RCOR1: variants seen among roughly 807,000 people sequenced by gnomAD.
The protein encoded by RCOR1 is REST corepressor.
Under a neutral mutation model 64.0 loss-of-function variants are expected in RCOR1, and 12 were observed. The observed-to-expected ratio is 0.19, with a 90% CI of 0.12 to 0.30. RCOR1 has a LOEUF of 0.30. RCOR1 is among the 10% of genes least tolerant of loss of function. The probability of loss-of-function intolerance (pLI) is 1.00; values close to 1 mark genes in which losing one functional copy is unlikely to be tolerated. For synonymous variants in RCOR1, 279 were observed against 227.2 expected, an observed-to-expected ratio of 1.23 and a Z score of -2.05; for missense variants, 502 against 621.2, an observed-to-expected ratio of 0.81 and a Z score of 2.04.
chr14:102,630,353 G>C (rs140508719), intron 2 of RCOR1, among the ~76,000 whole-genome samples: 1 of 152,158 alleles, frequency 6.6e-6, no homozygotes, highest in African/African-American at 2.4e-5. Context: ...TCTTCCAGCC[G>C]GCGGAATCAT....
intron 2 of RCOR1, chr14:102,662,450 A>G (rs1894842809): frequency 1.8e-6 from 1 of 546,444 alleles, no homozygotes; most frequent in African/African-American, 1.9e-5. Flanking sequence ...GCTCTTCTTC[A>G]TGGCAGACTC....
Position 102,726,979 on chromosome 14 carries a change from C to G in RCOR1, c.*473C>G, listed in dbSNP as rs1896278961. 6.3e-6 allele frequency: 1 copy of G among 158,406 alleles called. No individual in the cohort carries two copies. Among genetic ancestry groups the G allele is most frequent in the Admixed American group, 6.5e-5 (1 of 15,438 alleles). 9.8% of individuals were successfully genotyped at this position (158,406 alleles called of 1,614,324 possible). Reference sequence around the variant, plus strand: ...AAGTTTCTTTTGTTCTTTTCTGAGACAACCACCTAAGTGATAATACGCTTT... The same window carrying G: ...AAGTTTCTTTTGTTCTTTTCTGAGAGAACCACCTAAGTGATAATACGCTTT... On this transcript the variant is annotated 3_prime_UTR_variant, in exon 12 of 12. Coordinates refer to ENST00000262241, the MANE Select transcript of RCOR1 (RefSeq NM_015156.4).
rs575652526 is a variant in RCOR1, at chr14:102,637,396, G to A, written c.361+44071G>A. On this transcript the variant is annotated intron_variant, in intron 2 of 11. Coordinates refer to ENST00000262241, the MANE Select transcript of RCOR1 (RefSeq NM_015156.4). ...ACCTGCCTTGGCCTCCCAAAGTGCTGGGATTACAGACTTGAGCCACTGCAC... is the reference window on the plus strand; with the variant it reads ...ACCTGCCTTGGCCTCCCAAAGTGCTAGGATTACAGACTTGAGCCACTGCAC... Among the ~76,000 whole-genome samples the A allele has an allele frequency of 7.9e-5, 12 of 151,986 alleles. No homozygotes were observed. In the South Asian group the frequency reaches 2.5e-3, roughly 32 times the overall value.
intron 2 of RCOR1, among the ~76,000 whole-genome samples, chr14:102,618,060 G>A (rs545089424): frequency 4.2e-4 from 60 of 141,788 alleles, no homozygotes; most frequent in Admixed American, 1.9e-3. Context: ...TGCAACCTCC[G>A]CTTCCTGGGT....
At chr14:102,680,185 T>G (rs181451666) in intron 2 of RCOR1, among the ~76,000 whole-genome samples, 34 of 152,236 alleles carry the variant, frequency 2.2e-4, no homozygotes, top group African/African-American at 7.9e-4. Context: ...TTTTTTTTAT[T>G]GCTGGTATAT....
At chr14:102,658,651 A>G in intron 2 of RCOR1, 1 of 983,760 alleles carries the variant, frequency 1.0e-6, no homozygotes, top group Non-Finnish European at 1.2e-6. Flanking sequence ...TTACATCACC[A>G]AGGTGTGCTT....
At chr14:102,664,712 C>G (rs1294182181) in intron 2 of RCOR1, among the ~76,000 whole-genome samples, 9 of 152,172 alleles carry the variant, frequency 5.9e-5, no homozygotes, top group Admixed American at 5.2e-4. Flanking sequence ...AATTGGCTAC[C>G]TAACCTATGT....
chr14:102,609,856 A>T (rs763977230), intron 2 of RCOR1, among the ~76,000 whole-genome samples: 5 of 151,304 alleles, frequency 3.3e-5, no homozygotes, highest in Non-Finnish European at 5.9e-5. Context: ...ATGGTCCTTT[A>T]AGGCCGGGTG....
intron 2 of RCOR1, among the ~76,000 whole-genome samples, chr14:102,607,971 G>C (rs1408716840): frequency 2.6e-5 from 4 of 152,120 alleles, no homozygotes; most frequent in Admixed American, 6.6e-5. Context: ...CAGGAGAATT[G>C]GTTGAACCGG....
intron 2 of RCOR1, among the ~76,000 whole-genome samples, chr14:102,632,611 A>ATGCTT (rs1894138032): frequency 1.9e-5 from 2 of 107,944 alleles, no homozygotes; most frequent in South Asian, 6.4e-4. Context: ...ACTGCATGCT[A>ATGCTT]TCCTTTCCTT....
Position 102,714,631 on chromosome 14 carries a change from T to C in RCOR1, c.1053+14T>C. 1 of 1,559,730 alleles carries C rather than the reference T, an allele frequency of 6.4e-7. No homozygotes were observed. The highest frequency in any genetic ancestry group is 8.7e-7 in the Non-Finnish European group (1 of 1,148,376). ...GTCAAACGACAGGTACTCATAAGCC[T>C]GGTCTTGGATGTAAAAGAATTAATT... is the stretch of plus-strand genomic sequence containing the variant. On this transcript the variant is annotated intron_variant, in intron 8 of 11. Transcript: ENST00000262241.
intron 3 of RCOR1, among the ~76,000 whole-genome samples, chr14:102,685,791 A>G (rs1398188335): frequency 1.3e-5 from 2 of 152,122 alleles, no homozygotes; most frequent in African/African-American, 2.4e-5. Flanking sequence ...GTGAAACCCC[A>G]TGTCTCTCAA....
chr14:102,683,458 G>C (rs1895346065), intron 3 of RCOR1, among the ~76,000 whole-genome samples: 2 of 152,230 alleles, frequency 1.3e-5, no homozygotes, highest in Non-Finnish European at 2.9e-5. Context: ...GAATTGGAGA[G>C]GTGGAGCACG....
chr14:102,657,347 C>G (rs1894747956), intron 2 of RCOR1: 1 of 985,018 alleles, frequency 1.0e-6, no homozygotes, highest in African/African-American at 1.7e-5. Flanking sequence ...TCATTTAAAC[C>G]CATGTTTTAA....
At position 102,599,083 on chromosome 14, in the gene RCOR1, A is replaced by G. The variant is rs375005863; in HGVS notation, c.361+5758A>G. ...CTACCTCTGGTTGGTTCTTTCCTAC[A>G]TAAGCAAAGCATCACTTATTTTGAA... On this transcript the variant is annotated intron_variant, in intron 2 of 11. Transcript: ENST00000262241. 1.1e-4 allele frequency among the ~76,000 whole-genome samples: 16 copies of G among 152,168 alleles called. No homozygotes were observed. In the East Asian group the frequency reaches 2.5e-3, roughly 24 times the overall value.
intron 2 of RCOR1, among the ~76,000 whole-genome samples, chr14:102,600,299 TCTC>T (rs1893363143): frequency 6.6e-6 from 1 of 151,658 alleles, no homozygotes. Context: ...GTGGTCTTGA[TCTC>T]CTGACCTCGT....
chr14:102,640,353 A>G (rs1894341387), intron 2 of RCOR1, among the ~76,000 whole-genome samples: 1 of 152,178 alleles, frequency 6.6e-6, no homozygotes. Context: ...CTCTTCAGCT[A>G]AAACAGTCAG....
chr14:102,612,662 G>A (rs1228827441), intron 2 of RCOR1, among the ~76,000 whole-genome samples: 1 of 151,858 alleles, frequency 6.6e-6, no homozygotes, highest in African/African-American at 2.4e-5. Flanking sequence ...TCCTGATGAA[G>A]TACTCCATCT....
At chr14:102,668,817 C>T (rs1324296654) in intron 2 of RCOR1, among the ~76,000 whole-genome samples, 2 of 152,004 alleles carry the variant, frequency 1.3e-5, no homozygotes, top group South Asian at 2.1e-4. Context: ...TTCGTGAAAT[C>T]GCTAATCTTT....
Sources: allele counts gnomAD v4.1 joint callset (sites outside exome capture counted in the v4.1 genomes callset), GRCh38; gene constraint gnomAD v4.1.1; transcripts MANE v1.5; gene names NCBI Gene and HGNC (gene_info 2026-07-23, HGNC 2026-07-21).